Variants in BTD observed in about 807,000 individuals in gnomAD.
BTD encodes biotinidase, also known as biocytinase.
BTD carries 13 observed loss-of-function variants against 17.7 expected under a neutral mutation model. The observed-to-expected ratio is 0.74, with a 90% CI of 0.48 to 1.17. The LOEUF (loss-of-function observed/expected upper bound fraction) is 1.17, where lower values mean the gene tolerates loss of function less well. BTD is among the 50% of genes most tolerant of loss of function. The probability of loss-of-function intolerance (pLI) is 0.00; values close to 1 mark genes in which losing one functional copy is unlikely to be tolerated. For missense variants in BTD, 674 were observed against 650.4 expected, an observed-to-expected ratio of 1.04 and a Z score of -0.39; for synonymous variants, 240 against 245.2, an observed-to-expected ratio of 0.98 and a Z score of 0.20.
Position 15,687,659 on chromosome 3 carries a change from A to AAACTATTAGTTT in BTD, c.400-22399_400-22398insCTATTAGTTTAA, listed in dbSNP as rs1553586342. Among the ~76,000 whole-genome samples, 554 of 152,342 alleles carry AAACTATTAGTTT rather than the reference A, an allele frequency of 3.6e-3. 7 individuals carry two copies. The highest frequency in any genetic ancestry group is 0.013 in the African/African-American group (534 of 41,570). The stretch of plus-strand genomic sequence containing the variant: ...CACAGTATGTTCCCACAGTTATATT[A>AAACTATTAGTTT]AATACTAATAGTTATTAAACTTGTG... On this transcript the variant is annotated intron_variant, in intron 3 of 3. Transcript: ENST00000672141.
intron 3 of BTD, among the ~76,000 whole-genome samples, chr3:15,661,488 T>C (rs2065924145): frequency 6.6e-6 from 1 of 152,178 alleles, no homozygotes; most frequent in Non-Finnish European, 1.5e-5. Flanking sequence ...TTTGGTCCAA[T>C]TTTAAAAGTT....
Position 15,643,034 on chromosome 3 carries a change from A to AT in BTD, c.399+977_399+978insT, listed in dbSNP as rs1192815681. Among the ~76,000 whole-genome samples the AT allele has an allele frequency of 6.9e-4, 93 of 135,662 alleles. 1 individual carries two copies. Among genetic ancestry groups the AT allele is most frequent in the African/African-American group, 2.4e-3 (76 of 31,046 alleles). 89.0% of individuals were successfully genotyped at this position (135,662 alleles called of 152,430 possible). The stretch of plus-strand genomic sequence containing the variant: ...AGGAGCAAAACTCTGCCTCAAAAAA[A>AT]AAAAAAAAAATAAAATAAAATAAAG... On this transcript the variant is annotated intron_variant, in intron 3 of 3. Transcript: ENST00000643237.
chr3:15,646,391 G>A lies in BTD; in HGVS notation c.*903G>A, dbSNP rs57114474. ...GATCTGGAGCCCTATAGAGGATCTC[G>A]TTGCTTTGCAGCGATGCCTGGCACC... is the stretch of plus-strand genomic sequence containing the variant. On this transcript the variant is annotated 3_prime_UTR_variant, in exon 4 of 4. Coordinates refer to ENST00000643237, the MANE Select transcript of BTD (RefSeq NM_001370658.1). 0.1 allele frequency: 15,890 copies of A among 152,296 alleles called. 1,130 individuals are homozygous for A. Among genetic ancestry groups the A allele is most frequent in the East Asian group, 0.4 (2,051 of 5,176 alleles). The allele number at this position is 152,296 out of a possible 1,614,324, so 9.4% of individuals were successfully genotyped here.
intron 2 of BTD, among the ~76,000 whole-genome samples, chr3:15,639,180 A>G (rs1156923616): frequency 2.0e-5 from 3 of 151,936 alleles, no homozygotes; most frequent in Non-Finnish European, 4.4e-5. Context: ...AGGATTACTC[A>G]TCACATCAGA....
chr3:15,671,419 A>G (rs1329289721), intron 3 of BTD, among the ~76,000 whole-genome samples: 3 of 152,124 alleles, frequency 2.0e-5, no homozygotes, highest in African/African-American at 4.8e-5. Flanking sequence ...TTGTATAACC[A>G]CCATACAGAT....
chr3:15,666,408 C>CCT (rs55910224), intron 3 of BTD, among the ~76,000 whole-genome samples: 122,596 of 152,058 alleles, frequency 0.81, 49,506 homozygotes, highest in East Asian at 0.92. Flanking sequence ...TTCATCTCCC[C>CCT]CTTTCCTCAT....
At position 15,651,362 on chromosome 3, in the gene BTD, T is replaced by A. The variant is rs961001744; in HGVS notation, c.*5874T>A. Reference sequence around the variant, plus strand: ...ACTGCAAATCTTGATTGAGGAGATCTTAAGAACAGAGTGATTTACACAGCT... The same window carrying A: ...ACTGCAAATCTTGATTGAGGAGATCATAAGAACAGAGTGATTTACACAGCT... On this transcript the variant is annotated 3_prime_UTR_variant, in exon 4 of 4. Coordinates refer to ENST00000643237, the MANE Select transcript of BTD (RefSeq NM_001370658.1). Among the ~76,000 whole-genome samples the A allele has an allele frequency of 6.6e-6, 1 of 152,190 alleles. No homozygotes were observed. The highest frequency in any genetic ancestry group is 6.5e-5 in the Admixed American group (1 of 15,278).
intron 3 of BTD, chr3:15,676,961 T>C: frequency 1.9e-6 from 3 of 1,604,322 alleles, no homozygotes; most frequent in Non-Finnish European, 2.6e-6. Context: ...TACTAGATAC[T>C]GACAGTACTC....
exon 4 of BTD, chr3:15,712,280 TTAAA>T: frequency 7.6e-7 from 1 of 1,322,324 alleles, no homozygotes; most frequent in Non-Finnish European, 1.1e-6. Flanking sequence ...ATACAATCAG[TTAAA>T]TACATTACAA....
chr3:15,609,278 A>G (rs1193617732), intron 1 of BTD, among the ~76,000 whole-genome samples: 1 of 152,192 alleles, frequency 6.6e-6, no homozygotes, highest in African/African-American at 2.4e-5. Context: ...CACAAATATA[A>G]TGAAACCCCC....
intron 1 of BTD, among the ~76,000 whole-genome samples, chr3:15,617,069 G>A (rs557061514): frequency 4.5e-4 from 69 of 152,272 alleles, no homozygotes; most frequent in African/African-American, 1.6e-3. Context: ...TCTTGACCTC[G>A]TGATCTGCCT....
At position 15,690,029 on chromosome 3, in the gene BTD, A is replaced by T. The variant is rs13314410; in HGVS notation, c.400-20031A>T. 17,535 of 1,607,734 alleles carry T rather than the reference A, an allele frequency of 0.011. 1,547 individuals carry two copies. The African/African-American group carries it at 0.2, about 18-fold the overall frequency. Reference sequence around the variant, plus strand: ...TAATATCTGGCATACCTGCTGCATGAATAGGTGTCCTCTTCAAAATGTAAT... The same window carrying T: ...TAATATCTGGCATACCTGCTGCATGTATAGGTGTCCTCTTCAAAATGTAAT... On this transcript the variant is annotated intron_variant, in intron 3 of 3. Transcript: ENST00000672141.
At chr3:15,642,395 C>A in intron 3 of BTD, 1 of 566,140 alleles carries the variant, frequency 1.8e-6, no homozygotes, top group Non-Finnish European at 2.9e-6. Context: ...CTGCCATCAA[C>A]AATTTGATGT....
At chr3:15,706,034 C>A (rs905212202) in intron 3 of BTD, among the ~76,000 whole-genome samples, 1 of 130,282 alleles carries the variant, frequency 7.7e-6, no homozygotes, top group Non-Finnish European at 1.6e-5. Flanking sequence ...ACAAAAAAAC[C>A]CACAAAAACA....
chr3:15,701,777 C>A (rs2070668976), intron 3 of BTD, among the ~76,000 whole-genome samples: 1 of 152,134 alleles, frequency 6.6e-6, no homozygotes, highest in African/African-American at 2.4e-5. Context: ...CAAACTAATT[C>A]TGAGGACATG....
intron 3 of BTD, chr3:15,677,039 G>A (rs368294336): frequency 1.2e-6 from 2 of 1,613,004 alleles, no homozygotes; most frequent in African/African-American, 1.3e-5. Context: ...GTATTAACAA[G>A]GCACTAGTTT....
intron 3 of BTD, among the ~76,000 whole-genome samples, chr3:15,707,494 C>A (rs927027074): frequency 6.6e-6 from 1 of 152,164 alleles, no homozygotes; most frequent in Non-Finnish European, 1.5e-5. Context: ...ACAAGGGTTC[C>A]TTGCAAATCT....
intron 1 of BTD, among the ~76,000 whole-genome samples, chr3:15,605,975 A>G (rs1466497360): frequency 7.0e-6 from 1 of 143,614 alleles, no homozygotes; most frequent in Non-Finnish European, 1.5e-5. Context: ...CCAGGGAGGT[A>G]GATGTTGCAG....
intron 1 of BTD, chr3:15,602,127 G>T (rs1241004081): frequency 7.0e-6 from 10 of 1,425,330 alleles, no homozygotes; most frequent in Non-Finnish European, 1.8e-6. Context: ...ATAACCTTGT[G>T]GTTTTATAGT....
Sources: allele counts gnomAD v4.1 joint callset (sites outside exome capture counted in the v4.1 genomes callset), GRCh38; gene constraint gnomAD v4.1.1; transcripts MANE v1.5; gene names NCBI Gene and HGNC (gene_info 2026-07-23, HGNC 2026-07-21).